The following CCNE1 variants were observed in gnomAD, a reference collection of about 807,000 sequenced individuals.
CCNE1 encodes G1/S-specific cyclin-E1.
Under a neutral mutation model 54.1 loss-of-function variants are expected in CCNE1, and 8 were observed. The observed-to-expected ratio is 0.15, with a 90% CI of 0.09 to 0.27. The LOEUF is 0.27. Ranked by LOEUF, CCNE1 falls within the 10% of genes least tolerant of loss-of-function variation. The pLI is 1.00. For synonymous variants in CCNE1, 179 were observed against 185.2 expected, an observed-to-expected ratio of 0.97 and a Z score of 0.27; for missense variants, 430 against 514.9, an observed-to-expected ratio of 0.84 and a Z score of 1.60.
In CCNE1 at chr19:29,812,699, G is replaced by A. The variant is rs1357182033; in HGVS notation, c.34G>A (p.Glu12Lys). The A allele has an allele frequency of 2.5e-6, 4 of 1,589,686 alleles. No homozygotes were observed. Among genetic ancestry groups the A allele is most frequent in the Non-Finnish European group, 2.6e-6 (3 of 1,170,244 alleles). The change falls in exon 3 of 12, where the codon GAG becomes AAG. Residue 12 changes from glutamate (E) to lysine (K), a missense_variant. Transcript: ENST00000262643. ...CACCCGGGTCCACAGGGATGCGAAGGAGCGGGACACCATGAAGGAGGACGG... is the reference window on the plus strand; with the variant it reads ...CACCCGGGTCCACAGGGATGCGAAGAAGCGGGACACCATGAAGGAGGACGG... ...PRERRERDAK[E>K]RDTMKEDGGA...
rs141877912 is a variant in CCNE1, at chr19:29,817,146, A to G, written c.190A>G (p.Asn64Asp). The change falls in exon 5 of 12, where the codon AAT becomes GAT. Residue 64 changes from asparagine to aspartate, a missense_variant. Physicochemically the swap from Asn to Asp is conservative, Grantham distance 23. This residue lies in a region of CCNE1 where 127 missense variants were observed against 113.8 expected (regional missense o/e 1.12). Coordinates refer to ENST00000262643, the MANE Select transcript of CCNE1 (RefSeq NM_001238.4). ...RDQCGSQPWD[N>D]NAVCADPCSL... is the part of the protein sequence containing the mutation. ...TATTTTTCATTTACAGCCTTGGGAC[A>G]ATAATGCAGTCTGTGCAGACCCCTG... is the stretch of plus-strand genomic sequence containing the variant. 190 of 1,614,068 alleles carry G rather than the reference A, an allele frequency of 1.2e-4. No homozygotes were observed. In the African/African-American group the frequency reaches 2.4e-3, roughly 20 times the overall value.
At chr19:29,812,890 G>A in intron 3 of CCNE1, 79 bp from the exon 4 acceptor site, 5 of 1,599,110 alleles carry the variant, frequency 3.1e-6, no homozygotes, top group East Asian at 4.5e-5. Flanking sequence ...CTCATAACCT[G>A]ATCAGCTTTC....
At chr19:29,816,164 A>G (rs2145720314) in intron 4 of CCNE1, among the ~76,000 whole-genome samples, 1 of 151,902 alleles carries the variant, frequency 6.6e-6, no homozygotes, top group South Asian at 2.1e-4. Flanking sequence ...TCAAAAAAAA[A>G]AAAAAAAAAG....
chr19:29,822,832 T>G (rs1224217790), intron 11 of CCNE1, among the ~76,000 whole-genome samples: 3 of 151,878 alleles, frequency 2.0e-5, no homozygotes, highest in Non-Finnish European at 4.4e-5. Flanking sequence ...TAGTCCCAGC[T>G]ACTCGAGAGG....
rs570331880 is a variant in CCNE1 at position 29,823,872 on chromosome 19, T to C, written c.*95T>C. The C allele has an allele frequency of 1.2e-5, 15 of 1,296,536 alleles. No individual in the cohort carries two copies. In the Admixed American group the frequency reaches 1.2e-4, roughly 10 times the overall value. 80.3% of individuals were successfully genotyped at this position (1,296,536 alleles called of 1,614,324 possible). ...AGGCGTGCGTTTGCTTTTACAGATA[T>C]CTGAATGGAAGAGTGTTTCTTCCAC... On this transcript the variant is annotated 3_prime_UTR_variant, in exon 12 of 12. Coordinates refer to ENST00000262643, the MANE Select transcript of CCNE1 (RefSeq NM_001238.4).
chr19:29,821,210 A>G lies in CCNE1; in HGVS notation c.609+362A>G, dbSNP rs192025594. Reference sequence around the variant, plus strand: ...GGCCAGTAGTTTGAGACATGGTGAAATACCATTTGTACTAAAAATACAAAA... The same window carrying G: ...GGCCAGTAGTTTGAGACATGGTGAAGTACCATTTGTACTAAAAATACAAAA... On this transcript the variant is annotated intron_variant, in intron 7 of 11. Coordinates refer to ENST00000262643, the MANE Select transcript of CCNE1 (RefSeq NM_001238.4). 2.9e-3 allele frequency among the ~76,000 whole-genome samples: 449 copies of G among 152,268 alleles called. 1 individual carries two copies. Among genetic ancestry groups the G allele is most frequent in the Non-Finnish European group, 3.4e-3 (233 of 68,008 alleles).
chr19:29,816,243 G>C (rs1176065884), intron 4 of CCNE1, among the ~76,000 whole-genome samples: 1 of 150,958 alleles, frequency 6.6e-6, no homozygotes, highest in East Asian at 1.9e-4. Context: ...CTTTAGCAAA[G>C]TTACTATTTT....
At chr19:29,821,595 G>A in intron 7 of CCNE1, 127 bp from the exon 8 acceptor site, 1 of 213,866 alleles carries the variant, frequency 4.7e-6, no homozygotes, top group Non-Finnish European at 9.0e-6. Flanking sequence ...TGGCTTCTGT[G>A]TTAATTCCAT....
At chr19:29,812,202 G>T in intron 1 of CCNE1, 50 bp downstream of exon 1, 1 of 152,632 alleles carries the variant, frequency 6.6e-6, no homozygotes, top group Non-Finnish European at 1.5e-5. Flanking sequence ...GGCCCAGACC[G>T]CGCCGGGGAG....
chr19:29,812,615 C>A lies in CCNE1; in HGVS notation c.23+37C>A, dbSNP rs758850431. Reference sequence around the variant, plus strand: ...CGCCGCGGGGCCGGACGGGACGGGACGGGACGGGACGGGTGGCGTGGGGGA... The same window carrying A: ...CGCCGCGGGGCCGGACGGGACGGGAAGGGACGGGACGGGTGGCGTGGGGGA... On this transcript the variant is annotated intron_variant, in intron 2 of 11. Transcript: ENST00000262643. The A allele has an allele frequency of 1.9e-6, 3 of 1,542,528 alleles. No homozygotes were observed. The Middle Eastern group carries it at 6.4e-4, about 330-fold the overall frequency.
Position 29,813,034 on chromosome 19 carries a change from C to A in CCNE1, c.177C>A (p.Ser59Arg). The change falls in exon 4 of 12, where the codon AGC (serine) becomes AGA (arginine). Residue 59 changes from serine to arginine, a missense_variant. Transcript: ENST00000262643. Reference sequence around the variant, plus strand: ...GGACGGCGAGGGACCAGTGTGGGAGCCAGGTAGGTCCGCCCGGGGTTGGGC... The same window carrying A: ...GGACGGCGAGGGACCAGTGTGGGAGACAGGTAGGTCCGCCCGGGGTTGGGC... Reference protein sequence around the residue: ...IDRTARDQCGSQPWDNNAVCA... With the variant: ...IDRTARDQCGRQPWDNNAVCA... The A allele has an allele frequency of 6.2e-7, 1 of 1,614,030 alleles. No homozygotes were observed. The highest frequency in any genetic ancestry group is 1.3e-5 in the African/African-American group (1 of 75,028).
intron 4 of CCNE1, 169 bp downstream of exon 4, chr19:29,813,206 C>T: frequency 1.6e-6 from 1 of 613,526 alleles, no homozygotes; most frequent in Non-Finnish European, 2.9e-6. Flanking sequence ...GCACTGGCCT[C>T]TGCCAGTCCT....
chr19:29,813,979 A>T (rs1448321948), intron 4 of CCNE1, among the ~76,000 whole-genome samples: 1 of 152,198 alleles, frequency 6.6e-6, no homozygotes, highest in African/African-American at 2.4e-5. Context: ...TTTGCAGAGC[A>T]GCAGCCAGGG....
chr19:29,822,848 G>A (rs996197977), intron 11 of CCNE1, among the ~76,000 whole-genome samples: 3 of 151,990 alleles, frequency 2.0e-5, no homozygotes, highest in African/African-American at 7.2e-5. Flanking sequence ...AGAGGCTAAG[G>A]CAGGAGAATC....
chr19:29,817,697 G>A (rs1291348703), intron 6 of CCNE1, 156 bp downstream of exon 6: 7 of 768,614 alleles, frequency 9.1e-6, no homozygotes, highest in African/African-American at 8.8e-5. Context: ...TGTTTTGCTT[G>A]TATTCTTAGC....
intron 1 of CCNE1, 99 bp from the exon 2 acceptor site, chr19:29,812,433 C>T: frequency 2.5e-6 from 2 of 809,384 alleles, no homozygotes; most frequent in African/African-American, 1.8e-5. Flanking sequence ...CGCCATCGGC[C>T]ATCTTCCTGG....
rs1974224068 is a variant in CCNE1 at position 29,824,153 on chromosome 19, T to G, written c.*376T>G. 1 of 270,246 alleles carries G rather than the reference T, an allele frequency of 3.7e-6. No individual in the cohort carries two copies. The highest frequency in any genetic ancestry group is 1.5e-4 in the South Asian group (1 of 6,866). 16.7% of individuals were successfully genotyped at this position (270,246 alleles called of 1,614,324 possible). A position where few individuals can be genotyped will look rare whatever the true frequency, so the allele number is the denominator to read the frequency against. The stretch of plus-strand genomic sequence containing the variant: ...GCTCCGTTGTACCAAGTGGAGCAGG[T>G]GGTTGCGGGCAAGCGTTGTGCAGAG... On this transcript the variant is annotated 3_prime_UTR_variant, in exon 12 of 12. Transcript: ENST00000262643.
chr19:29,812,456 C>G (rs1452131144), intron 1 of CCNE1, 76 bp from the exon 2 acceptor site: 3 of 1,052,294 alleles, frequency 2.9e-6, no homozygotes. Flanking sequence ...CGCCCGGCCG[C>G]CCGCGCGCAA....
Position 29,824,285 on chromosome 19 carries a change from T to A in CCNE1, c.*508T>A, listed in dbSNP as rs1394808508. Reference sequence around the variant, plus strand: ...AGTGCTGCTATATCTATCCATTTTTTAATAAAGATAATACTGTTTTTGAGA... The same window carrying A: ...AGTGCTGCTATATCTATCCATTTTTAAATAAAGATAATACTGTTTTTGAGA... On this transcript the variant is annotated 3_prime_UTR_variant, in exon 12 of 12. Transcript: ENST00000262643. The A allele has an allele frequency of 4.3e-6, 1 of 231,908 alleles. No individual in the cohort carries two copies. The highest frequency in any genetic ancestry group is 8.5e-6 in the Non-Finnish European group (1 of 117,172). 14.4% of individuals were successfully genotyped at this position (231,908 alleles called of 1,614,324 possible). A position where few individuals can be genotyped will look rare whatever the true frequency, so the allele number is the denominator to read the frequency against.
Sources: allele counts gnomAD v4.1 joint callset (sites outside exome capture counted in the v4.1 genomes callset), GRCh38; gene constraint gnomAD v4.1.1; regional missense constraint gnomAD v4.1.1; transcripts MANE v1.5; gene names NCBI Gene and HGNC (gene_info 2026-07-23, HGNC 2026-07-21).